Variants in EYS observed in about 807,000 individuals in gnomAD.
EYS encodes protein eyes shut homolog.
Under a neutral mutation model 282.1 loss-of-function variants are expected in EYS, and 250 were observed. The observed-to-expected ratio is 0.89, with a 90% CI of 0.80 to 0.98. EYS has a LOEUF of 0.98. Ranked by LOEUF, EYS falls within the 50% of genes least tolerant of loss-of-function variation. EYS has a pLI of 0.00. For missense variants in EYS, 4,016 were observed against 3,709.0 expected (o/e 1.08, Z -2.15); for synonymous variants, 1,355 against 1,282.9 (o/e 1.06, Z -1.20).
At chr6:63,967,613 T>C (rs920439678) in intron 35 of EYS, among the ~76,000 whole-genome samples, 3 of 152,184 alleles carry the variant, frequency 2.0e-5, no homozygotes, top group African/African-American at 7.2e-5. Context: ...TTTTGGAGTT[T>C]TGATCAATTC....
intron 2 of EYS, among the ~76,000 whole-genome samples, chr6:65,506,364 C>T (rs886364254): frequency 6.7e-6 from 1 of 149,758 alleles, no homozygotes; most frequent in Non-Finnish European, 1.5e-5. Flanking sequence ...GGGTACTTTA[C>T]ATGATTATTT....
intron 36 of EYS, among the ~76,000 whole-genome samples, chr6:63,837,169 T>C (rs1444880080): frequency 1.3e-5 from 2 of 152,108 alleles, no homozygotes; most frequent in Non-Finnish European, 2.9e-5. Context: ...ACACTATATT[T>C]TGAGTGATTC....
intron 8 of EYS, among the ~76,000 whole-genome samples, chr6:65,353,907 C>T (rs1176724189): frequency 1.3e-5 from 2 of 152,042 alleles, no homozygotes; most frequent in Non-Finnish European, 2.9e-5. Context: ...ACATCTTTCC[C>T]CTCACAAATT....
At chr6:65,563,455 A>T (rs1769143065) in intron 2 of EYS, among the ~76,000 whole-genome samples, 1 of 152,064 alleles carries the variant, frequency 6.6e-6, no homozygotes, top group African/African-American at 2.4e-5. Flanking sequence ...TTCATGTATG[A>T]TCAAAATTTA....
intron 12 of EYS, among the ~76,000 whole-genome samples, chr6:65,246,152 A>G (rs1408406050): frequency 6.6e-6 from 1 of 152,106 alleles, no homozygotes; most frequent in Non-Finnish European, 1.5e-5. Context: ...TAATTATCAC[A>G]TGGTGTGTTT....
chr6:65,097,531 T>A (rs929633647), intron 12 of EYS, among the ~76,000 whole-genome samples: 5 of 150,892 alleles, frequency 3.3e-5, no homozygotes, highest in African/African-American at 1.2e-4. Context: ...CAGGACTCGA[T>A]GAAATAGCTG....
At chr6:64,334,634 C>A (rs1413303236) in intron 29 of EYS, among the ~76,000 whole-genome samples, 1 of 152,102 alleles carries the variant, frequency 6.6e-6, no homozygotes, top group South Asian at 2.1e-4. Context: ...ACAGCCCGAG[C>A]CTTAGACTTG....
intron 22 of EYS, among the ~76,000 whole-genome samples, chr6:64,761,263 A>T (rs568412241): frequency 6.6e-6 from 1 of 152,282 alleles, no homozygotes; most frequent in South Asian, 2.1e-4. Flanking sequence ...CTGTTTGAAG[A>T]TCAATCCTGA....
intron 29 of EYS, among the ~76,000 whole-genome samples, chr6:64,379,878 T>C (rs949914063): frequency 6.6e-6 from 1 of 152,124 alleles, no homozygotes; most frequent in African/African-American, 2.4e-5. Context: ...AAAAATAACG[T>C]AGTCCAACTT....
At chr6:65,482,891 T>C (rs1765656710) in intron 5 of EYS, among the ~76,000 whole-genome samples, 1 of 152,210 alleles carries the variant, frequency 6.6e-6, no homozygotes, top group African/African-American at 2.4e-5. Flanking sequence ...AACAGTTTAT[T>C]TTCTGACAAT....
intron 26 of EYS, among the ~76,000 whole-genome samples, chr6:64,453,773 C>T (rs1411665782): frequency 3.9e-5 from 6 of 152,012 alleles, no homozygotes; most frequent in East Asian, 1.9e-4. Context: ...AACCAAACAC[C>T]GCATGTTCTC....
At chr6:64,411,857 T>A (rs960059026) in intron 28 of EYS, among the ~76,000 whole-genome samples, 2 of 91,104 alleles carry the variant, frequency 2.2e-5, no homozygotes, top group East Asian at 9.7e-4. Context: ...TTTGCATATA[T>A]GTATATTTGT....
intron 41 of EYS, among the ~76,000 whole-genome samples, chr6:63,747,660 T>C (rs1018244491): frequency 6.6e-6 from 1 of 152,210 alleles, no homozygotes; most frequent in Non-Finnish European, 1.5e-5. Flanking sequence ...CTTAGGATAG[T>C]TAGCTCTTCT....
At chr6:64,244,132 T>G (rs1378323427) in intron 30 of EYS, among the ~76,000 whole-genome samples, 4 of 152,202 alleles carry the variant, frequency 2.6e-5, no homozygotes, top group African/African-American at 9.6e-5. Context: ...AATCTTCATT[T>G]AATTGGTTAT....
At chr6:65,168,606 C>T (rs1765031411) in intron 12 of EYS, among the ~76,000 whole-genome samples, 2 of 151,108 alleles carry the variant, frequency 1.3e-5, no homozygotes, top group Non-Finnish European at 3.0e-5. Context: ...TTAAAGGCTC[C>T]ACCCACCCTC....
At chr6:65,396,334 A>G (rs1329762337) in intron 7 of EYS, among the ~76,000 whole-genome samples, 1 of 152,072 alleles carries the variant, frequency 6.6e-6, no homozygotes, top group Admixed American at 6.6e-5. Context: ...TTTATATTCT[A>G]TGCACGGCCT....
chr6:64,955,662 A>G (rs1484772304), intron 14 of EYS, among the ~76,000 whole-genome samples: 1 of 152,170 alleles, frequency 6.6e-6, no homozygotes, highest in African/African-American at 2.4e-5. Flanking sequence ...TCCCTATCCC[A>G]TGGGTTTTGC....
At chr6:63,828,872 GTATGGAATGTAAACTAA>G (rs374424248) in intron 36 of EYS, among the ~76,000 whole-genome samples, 1,997 of 152,318 alleles carry the variant, frequency 0.013, 35 homozygotes, top group African/African-American at 0.046. Flanking sequence ...ATGTAAACTA[GTATGGAATGTAAACTAA>G]TACAGAATGT....
At chr6:65,463,818 T>G (rs937165967) in intron 5 of EYS, among the ~76,000 whole-genome samples, 1 of 152,110 alleles carries the variant, frequency 6.6e-6, no homozygotes, top group Non-Finnish European at 1.5e-5. Context: ...ATTATTGGAG[T>G]GCTAAGCATG....
Sources: allele counts gnomAD v4.1 joint callset (sites outside exome capture counted in the v4.1 genomes callset), GRCh38; gene constraint gnomAD v4.1.1; transcripts MANE v1.5; gene names NCBI Gene and HGNC (gene_info 2026-07-23, HGNC 2026-07-21).